SLC35F3: variants seen among roughly 807,000 people sequenced by gnomAD.
SLC35F3 encodes the protein solute carrier family 35 member F3.
Under a neutral mutation model 49.9 loss-of-function variants are expected in SLC35F3, and 25 were observed. The ratio of observed to expected loss-of-function variants is 0.50; its 90% CI spans 0.37 to 0.70. SLC35F3 has a LOEUF of 0.70. Ranked by LOEUF, SLC35F3 falls within the 30% of genes least tolerant of loss-of-function variation. SLC35F3 has a pLI of 0.00. For synonymous variants in SLC35F3, 275 were observed against 265.4 expected, an observed-to-expected ratio of 1.04 and a Z score of -0.35; for missense variants, 525 against 639.8, an observed-to-expected ratio of 0.82 and a Z score of 1.94.
intron 2 of SLC35F3, among the ~76,000 whole-genome samples, chr1:233,996,970 G>A (rs1396656387): frequency 6.6e-6 from 1 of 152,038 alleles, no homozygotes; most frequent in African/African-American, 2.4e-5. Context: ...ATTTTGGGGT[G>A]TTTTTCGATT....
At chr1:234,279,972 T>C (rs763502670) in intron 3 of SLC35F3, among the ~76,000 whole-genome samples, 97 of 152,122 alleles carry the variant, frequency 6.4e-4, no homozygotes, top group Non-Finnish European at 9.4e-4. Context: ...AGGTAACAAA[T>C]GATCACACTT....
At chr1:234,227,984 A>T (rs1667314422) in intron 2 of SLC35F3, among the ~76,000 whole-genome samples, 1 of 152,164 alleles carries the variant, frequency 6.6e-6, no homozygotes, top group Admixed American at 6.5e-5. Flanking sequence ...TGCTAAGCAA[A>T]ATTATTGTGT....
chr1:234,178,074 T>G (rs1463349468), intron 2 of SLC35F3, among the ~76,000 whole-genome samples: 2 of 152,180 alleles, frequency 1.3e-5, no homozygotes, highest in African/African-American at 2.4e-5. Flanking sequence ...TTCTGGAAAC[T>G]TGTTCCAAAA....
intron 2 of SLC35F3, among the ~76,000 whole-genome samples, chr1:234,186,005 C>T (rs1355630403): frequency 6.6e-6 from 1 of 152,144 alleles, no homozygotes; most frequent in Non-Finnish European, 1.5e-5. Context: ...AGGCTGAGTG[C>T]CGCGTAGACA....
At chr1:234,220,690 T>G (rs1667191239) in intron 2 of SLC35F3, among the ~76,000 whole-genome samples, 1 of 152,056 alleles carries the variant, frequency 6.6e-6, no homozygotes, top group Non-Finnish European at 1.5e-5. Flanking sequence ...AGAGGAGGAA[T>G]CAACAGGCTG....
chr1:234,225,160 A>G (rs1667267903), intron 2 of SLC35F3, among the ~76,000 whole-genome samples: 1 of 152,212 alleles, frequency 6.6e-6, no homozygotes, highest in Non-Finnish European at 1.5e-5. Flanking sequence ...TACGCGTGTG[A>G]AAGCCTTTTC....
intron 2 of SLC35F3, among the ~76,000 whole-genome samples, chr1:234,072,212 A>G (rs1033582696): frequency 4.6e-5 from 7 of 152,272 alleles, no homozygotes; most frequent in Non-Finnish European, 1.0e-4. Flanking sequence ...TTGTCTAAGT[A>G]GCTGTGCCCT....
chr1:234,277,893 G>A (rs774402570), intron 3 of SLC35F3, among the ~76,000 whole-genome samples: 3 of 152,190 alleles, frequency 2.0e-5, no homozygotes, highest in African/African-American at 4.8e-5. Context: ...CATCACTTGG[G>A]AAAAAGAAAG....
intron 2 of SLC35F3, among the ~76,000 whole-genome samples, chr1:234,189,450 A>C (rs1230440351): frequency 6.6e-6 from 1 of 151,734 alleles, no homozygotes; most frequent in Non-Finnish European, 1.5e-5. Flanking sequence ...ATAGAATCAA[A>C]CAAGCAGAAG....
intron 3 of SLC35F3, among the ~76,000 whole-genome samples, chr1:234,235,684 G>A (rs1193853166): frequency 6.6e-6 from 1 of 152,226 alleles, no homozygotes; most frequent in Non-Finnish European, 1.5e-5. Context: ...AGTGAACGGT[G>A]CAGTGGTGAC....
At chr1:234,304,034 C>G (rs142134650) in intron 3 of SLC35F3, among the ~76,000 whole-genome samples, 1 of 92,822 alleles carries the variant, frequency 1.1e-5, no homozygotes, top group Admixed American at 9.8e-5. Context: ...TCCTTCCTTC[C>G]TTCCTTCCTT....
At chr1:234,160,738 C>G (rs1666212066) in intron 2 of SLC35F3, among the ~76,000 whole-genome samples, 1 of 152,180 alleles carries the variant, frequency 6.6e-6, no homozygotes, top group African/African-American at 2.4e-5. Flanking sequence ...GACTAGCCAA[C>G]AGTCCTAGTC....
chr1:234,115,171 TCTC>T (rs1303981897), intron 2 of SLC35F3, among the ~76,000 whole-genome samples: 1 of 152,130 alleles, frequency 6.6e-6, no homozygotes, highest in Non-Finnish European at 1.5e-5. Context: ...TGTCTAAGAA[TCTC>T]CTGGAAGAAG....
intron 2 of SLC35F3, among the ~76,000 whole-genome samples, chr1:234,084,875 A>G (rs1387877401): frequency 2.5e-4 from 38 of 152,302 alleles, no homozygotes. Flanking sequence ...ATTCTTCACT[A>G]TTAGAAGGAC....
At chr1:234,128,652 G>A (rs2067794) in intron 2 of SLC35F3, among the ~76,000 whole-genome samples, 4 of 152,158 alleles carry the variant, frequency 2.6e-5, no homozygotes, top group Admixed American at 2.0e-4. Context: ...GGCATTCCAG[G>A]CCAAGGAAAG....
At chr1:234,168,863 G>T (rs1325667212) in intron 2 of SLC35F3, among the ~76,000 whole-genome samples, 1 of 152,220 alleles carries the variant, frequency 6.6e-6, no homozygotes, top group East Asian at 1.9e-4. Context: ...GGAGCTGGGG[G>T]AGTCACACTC....
intron 2 of SLC35F3, among the ~76,000 whole-genome samples, chr1:234,108,704 A>T (rs1399789275): frequency 1.2e-4 from 12 of 102,646 alleles, no homozygotes; most frequent in African/African-American, 3.1e-4. Context: ...AATATATATT[A>T]TATATATAAA....
chr1:233,955,372 C>T lies in SLC35F3; in HGVS notation c.283+49614C>T, dbSNP rs114066622. 3.6e-3 allele frequency among the ~76,000 whole-genome samples: 549 copies of T among 152,236 alleles called. 3 individuals carry two copies. Among genetic ancestry groups the T allele is most frequent in the African/African-American group, 0.012 (493 of 41,544 alleles). Reference sequence around the variant, plus strand: ...GAAACTGCTCTTCCTCCCTGCAACCCCCAGCGTATGCCCCAATCTGGTGAA... The same window carrying T: ...GAAACTGCTCTTCCTCCCTGCAACCTCCAGCGTATGCCCCAATCTGGTGAA... On this transcript the variant is annotated intron_variant, in intron 2 of 7. Coordinates refer to ENST00000366618, the MANE Select transcript of SLC35F3 (RefSeq NM_173508.4).
intron 2 of SLC35F3, among the ~76,000 whole-genome samples, chr1:234,139,995 A>G (rs1383362794): frequency 7.1e-6 from 1 of 140,204 alleles, no homozygotes; most frequent in Non-Finnish European, 1.6e-5. Context: ...AAAATAAAAT[A>G]AAATAAAGTA....
Sources: allele counts gnomAD v4.1 joint callset (sites outside exome capture counted in the v4.1 genomes callset), GRCh38; gene constraint gnomAD v4.1.1; transcripts MANE v1.5; gene names NCBI Gene and HGNC (gene_info 2026-07-23, HGNC 2026-07-21).